The following NLRP9 variants were observed in gnomAD, a reference collection of about 807,000 sequenced individuals.
NLRP9 encodes the protein NACHT, LRR and PYD domains-containing protein 9.
NLRP9 carries 88 observed loss-of-function variants against 83.1 expected under a neutral mutation model. The ratio of observed to expected loss-of-function variants is 1.06; its 90% CI spans 0.89 to 1.26. NLRP9 has a LOEUF of 1.26. Among genes scored for constraint, NLRP9 ranks in the 50% most tolerant of loss-of-function variants. NLRP9 has a pLI of 0.00. For synonymous variants in NLRP9, 521 were observed against 447.6 expected (o/e 1.16, Z -2.07); for missense variants, 1,308 against 1,179.3 (o/e 1.11, Z -1.60).
chr19:55,722,251 C>A (rs981328464), intron 4 of NLRP9, among the ~76,000 whole-genome samples: 1 of 152,104 alleles, frequency 6.6e-6, no homozygotes, highest in East Asian at 1.9e-4. Context: ...TTCCCCAATC[C>A]TTATGTTAAT....
At chr19:55,717,983 A>G (rs1226487172) in intron 4 of NLRP9, among the ~76,000 whole-genome samples, 1 of 152,172 alleles carries the variant, frequency 6.6e-6, no homozygotes, top group East Asian at 1.9e-4. Context: ...CTCCACTTTG[A>G]TCTGTACTAA....
At chr19:55,712,066 A>G in intron 7 of NLRP9, 96 bp from the exon 8 acceptor site, 1 of 1,251,684 alleles carries the variant, frequency 8.0e-7, no homozygotes, top group Admixed American at 1.9e-5. Context: ...TCCCGGCAGG[A>G]CGCTCTGCTG....
In NLRP9 at chr19:55,729,946, T is replaced by C. The variant is rs148458163; in HGVS notation, c.1879A>G (p.Ile627Val). The C allele has an allele frequency of 1.4e-5, 23 of 1,613,808 alleles. No individual in the cohort carries two copies. The Admixed American group carries it at 1.7e-4, about 12-fold the overall frequency. Residue 627 changes from isoleucine to valine, a missense_variant, in exon 3 of 9, where the codon ATT becomes GTT. By Grantham distance (29) the Ile-to-Val change is conservative. Coordinates refer to ENST00000332836, the MANE Select transcript of NLRP9 (RefSeq NM_176820.4). ...AAAATCTGGAAGTTCTTGTTGGTAA[T>C]GAACATTGAGCAAAGCTCCCGCCAG... ...VYWRELCSMF[I>V]TNKNFQILDM...
At chr19:55,731,626 A>G (rs1355975903) in intron 2 of NLRP9, among the ~76,000 whole-genome samples, 1 of 150,780 alleles carries the variant, frequency 6.6e-6, no homozygotes, top group African/African-American at 2.4e-5. Flanking sequence ...TGGGAAGCTG[A>G]GGCAGGAGAG....
chr19:55,729,246 T>A (rs537857070), intron 3 of NLRP9, among the ~76,000 whole-genome samples: 2,733 of 150,634 alleles, frequency 0.018, 94 homozygotes, highest in African/African-American at 0.064. Flanking sequence ...TTTTTTTTTT[T>A]TTATTATACT....
intron 1 of NLRP9, among the ~76,000 whole-genome samples, chr19:55,734,568 C>CACACATAT (rs1420969649): frequency 4.7e-5 from 7 of 147,896 alleles, no homozygotes; most frequent in South Asian, 2.1e-4. Context: ...CACATATATA[C>CACACATAT]ACACATATAC....
chr19:55,714,318 G>A (rs1987923640), intron 6 of NLRP9, among the ~76,000 whole-genome samples: 1 of 151,742 alleles, frequency 6.6e-6, no homozygotes, highest in Admixed American at 6.6e-5. Flanking sequence ...GGGGAGAGGT[G>A]AGTCACCTGC....
At chr19:55,718,578 C>T (rs192242662) in intron 4 of NLRP9, among the ~76,000 whole-genome samples, 338 of 152,336 alleles carry the variant, frequency 2.2e-3, no homozygotes, top group East Asian at 5.0e-3. Flanking sequence ...CGTGCACATA[C>T]GGGCACAGTA....
At chr19:55,736,835 A>T (rs1020790304) in intron 1 of NLRP9, among the ~76,000 whole-genome samples, 2 of 133,466 alleles carry the variant, frequency 1.5e-5, no homozygotes, top group Non-Finnish European at 3.1e-5. Context: ...CTCCGTCTCA[A>T]AAAAATAAAA....
At chr19:55,709,246 A>T (rs186622239) in intron 8 of NLRP9, 218 of 379,290 alleles carry the variant, frequency 5.7e-4, no homozygotes, top group African/African-American at 4.1e-3. Flanking sequence ...GTGAAATTTC[A>T]TATACAGGAT....
intron 4 of NLRP9, 135 bp from the exon 5 acceptor site, chr19:55,717,033 CTTTTTTT>C (rs397968319): frequency 9.1e-4 from 335 of 366,296 alleles, no homozygotes; most frequent in Non-Finnish European, 1.4e-3. Flanking sequence ...GACTCTTTTT[CTTTTTTT>C]TTTTTTTTTT....
intron 1 of NLRP9, among the ~76,000 whole-genome samples, chr19:55,733,919 A>AATTTTTTTTTTTTT (rs1555796186): frequency 8.5e-6 from 1 of 117,872 alleles, no homozygotes; most frequent in Non-Finnish European, 1.7e-5. Flanking sequence ...TGTCAACCAA[A>AATTTTTTTTTTTTT]TTTTTTTTTT....
chr19:55,714,458 A>G (rs1456962950), intron 6 of NLRP9, among the ~76,000 whole-genome samples: 2 of 152,106 alleles, frequency 1.3e-5, no homozygotes, highest in Non-Finnish European at 2.9e-5. Context: ...AGTCAGGGCC[A>G]CTCGGGACTC....
intron 1 of NLRP9, 45 bp downstream of exon 1, chr19:55,738,050 C>T (rs1249186465): frequency 2.5e-6 from 4 of 1,591,004 alleles, no homozygotes; most frequent in Non-Finnish European, 3.4e-6. Context: ...TCACCTTGTT[C>T]CCAGGCTTCC....
At chr19:55,716,954 CATT>C (rs1460546424) in intron 4 of NLRP9, 56 bp from the exon 5 acceptor site, 1 of 1,444,742 alleles carries the variant, frequency 6.9e-7, no homozygotes, top group Non-Finnish European at 9.7e-7. Flanking sequence ...GCTCATGAAA[CATT>C]ATCCACAGAC....
chr19:55,724,765 A>T (rs545450379), intron 3 of NLRP9, among the ~76,000 whole-genome samples: 178 of 152,238 alleles, frequency 1.2e-3, no homozygotes, highest in African/African-American at 4.0e-3. Context: ...GGTCATGGTA[A>T]TTAAGAAATT....
At chr19:55,734,060 C>T (rs1248326489) in intron 1 of NLRP9, among the ~76,000 whole-genome samples, 1 of 151,056 alleles carries the variant, frequency 6.6e-6, no homozygotes, top group Non-Finnish European at 1.5e-5. Context: ...GTAGCTGGGG[C>T]TACAGGCGCC....
Position 55,732,312 on chromosome 19 carries a change from G to A in NLRP9, c.1519C>T (p.Leu507=), listed in dbSNP as rs1383746878. ...GISTEEIVSM[L]ETSFGFPLSK... is the part of the protein sequence containing the mutation. ...AGTGGAAAACCAAAGGAGGTCTCCA[G>A]CATGCTGACGATTTCTTCTGTTGAA... Residue 507 remains leucine (L), a synonymous_variant, in exon 2 of 9, where the codon CTG becomes TTG. Coordinates refer to ENST00000332836, the MANE Select transcript of NLRP9 (RefSeq NM_176820.4). 3.7e-6 allele frequency: 6 copies of A among 1,614,178 alleles called. No homozygotes were observed. Among genetic ancestry groups the A allele is most frequent in the South Asian group, 1.1e-5 (1 of 91,086 alleles).
intron 4 of NLRP9, among the ~76,000 whole-genome samples, chr19:55,723,591 G>T (rs568906638): frequency 6.6e-6 from 1 of 152,102 alleles, no homozygotes; most frequent in South Asian, 2.1e-4. Context: ...AGCTGGGTAT[G>T]GTGGCGTGCA....
Sources: gnomAD v4.1 joint callset for allele counts (sites outside exome capture counted in the v4.1 genomes callset) on GRCh38, gnomAD v4.1.1 for gene constraint, MANE v1.5 for transcripts, NCBI Gene and HGNC (gene_info 2026-07-23, HGNC 2026-07-21) for gene names.